The following ANKH variants were observed in gnomAD, a reference collection of about 807,000 sequenced individuals.
The protein encoded by ANKH is mineralization regulator ANKH.
In ANKH, 15 loss-of-function variants were observed where a neutral mutation model predicts 49.0. The ratio of observed to expected loss-of-function variants is 0.31; its 90% confidence interval spans 0.20 to 0.47. The LOEUF is 0.47. Ranked by LOEUF, ANKH falls within the 20% of genes least tolerant of loss-of-function variation. ANKH has a pLI of 1.00. For synonymous variants in ANKH, 273 were observed against 260.0 expected (o/e 1.05, Z -0.48); for missense variants, 429 against 652.0 (o/e 0.66, Z 3.72).
chr5:14,738,326 G>A (rs1439127985), intron 8 of ANKH, among the ~76,000 whole-genome samples: 1 of 152,198 alleles, frequency 6.6e-6, no homozygotes, highest in African/African-American at 2.4e-5. Context: ...TGTTCTGAGG[G>A]AAGGATGCAT....
intron 1 of ANKH, among the ~76,000 whole-genome samples, chr5:14,810,232 A>C (rs1025553005): frequency 1.3e-5 from 2 of 151,028 alleles, no homozygotes; most frequent in African/African-American, 4.9e-5. Flanking sequence ...ATCTTGGCTC[A>C]CTGCAACCTC....
At chr5:14,716,927 C>A in intron 8 of ANKH, 92 bp from the exon 9 acceptor site, 2 of 1,533,804 alleles carry the variant, frequency 1.3e-6, no homozygotes, top group South Asian at 2.3e-5. Flanking sequence ...TGGAGAGTTA[C>A]GAAAGAGGGA....
intron 1 of ANKH, among the ~76,000 whole-genome samples, chr5:14,825,725 T>C (rs1741319848): frequency 6.6e-6 from 1 of 152,148 alleles, no homozygotes; most frequent in Non-Finnish European, 1.5e-5. Context: ...AAGATGGCAA[T>C]GAGCTGACTC....
chr5:14,816,927 T>A (rs1235790056), intron 1 of ANKH, among the ~76,000 whole-genome samples: 1 of 152,208 alleles, frequency 6.6e-6, no homozygotes, highest in African/African-American at 2.4e-5. Flanking sequence ...GTTGCACAGA[T>A]CTCAGCCTTT....
intron 1 of ANKH, among the ~76,000 whole-genome samples, chr5:14,809,809 T>A (rs1324964318): frequency 6.6e-6 from 1 of 151,948 alleles, no homozygotes; most frequent in African/African-American, 2.4e-5. Flanking sequence ...AGTGGGGTGA[T>A]GACTCAATAG....
chr5:14,822,094 G>C (rs1741212541), intron 1 of ANKH, among the ~76,000 whole-genome samples: 1 of 152,148 alleles, frequency 6.6e-6, no homozygotes, highest in Admixed American at 6.5e-5. Context: ...AGCCATTGAT[G>C]GACCCTGCTG....
In ANKH at chr5:14,750,892, G is replaced by A. The variant is rs192258998; in HGVS notation, c.687+177C>T. On this transcript the variant is annotated intron_variant, in intron 5 of 11. Coordinates refer to ENST00000284268, the MANE Select transcript of ANKH (RefSeq NM_054027.6). ...TCTCAGATCACATCCATCTGTTAGA[G>A]TTCATTAATCCTCCAACTGTCTTTC... is the stretch of plus-strand genomic sequence containing the variant. Among the ~76,000 whole-genome samples, 8 of 152,322 alleles carry A rather than the reference G, an allele frequency of 5.3e-5. No individual in the cohort carries two copies. In the East Asian group the frequency reaches 1.5e-3, roughly 29 times the overall value.
chr5:14,714,060 C>T (rs1365013813), intron 9 of ANKH, among the ~76,000 whole-genome samples: 1 of 152,270 alleles, frequency 6.6e-6, no homozygotes, highest in African/African-American at 2.4e-5. Context: ...GCTGCGTGAG[C>T]AGAAAAGCTG....
chr5:14,776,867 G>A (rs1398866907), intron 1 of ANKH, among the ~76,000 whole-genome samples: 3 of 152,196 alleles, frequency 2.0e-5, no homozygotes, highest in African/African-American at 7.2e-5. Context: ...TCCAACAACT[G>A]TGAATATGAA....
intron 8 of ANKH, among the ~76,000 whole-genome samples, chr5:14,718,841 A>ACCC (rs1418886804): frequency 0.018 from 1,410 of 79,508 alleles, 12 homozygotes; most frequent in Non-Finnish European, 0.023. Flanking sequence ...CCCCCCCCCA[A>ACCC]AAAAAAAAGA....
At chr5:14,741,069 G>C (rs1286476195) in intron 8 of ANKH, among the ~76,000 whole-genome samples, 1 of 152,164 alleles carries the variant, frequency 6.6e-6, no homozygotes, top group African/African-American at 2.4e-5. Flanking sequence ...GTCTCCAACG[G>C]AAGGCTGTTT....
At chr5:14,844,299 C>T (rs1741896609) in intron 1 of ANKH, among the ~76,000 whole-genome samples, 1 of 152,186 alleles carries the variant, frequency 6.6e-6, no homozygotes, top group East Asian at 1.9e-4. Context: ...TCTAAAAGCA[C>T]AATTGTTTCA....
chr5:14,738,950 C>T (rs1738269572), intron 8 of ANKH, among the ~76,000 whole-genome samples: 1 of 152,094 alleles, frequency 6.6e-6, no homozygotes, highest in African/African-American at 2.4e-5. Flanking sequence ...TTACTGTGAC[C>T]TTTCTCAGTG....
chr5:14,746,929 T>G (rs79085522), intron 6 of ANKH, among the ~76,000 whole-genome samples: 4,618 of 152,294 alleles, frequency 0.03, 260 homozygotes, highest in African/African-American at 0.11. Context: ...GAAGCCAAGA[T>G]TTCAACCCAG....
At chr5:14,753,798 A>G (rs1738794875) in intron 4 of ANKH, among the ~76,000 whole-genome samples, 1 of 152,210 alleles carries the variant, frequency 6.6e-6, no homozygotes. Flanking sequence ...AAAATCTGAA[A>G]ACAAAACAAA....
intron 4 of ANKH, among the ~76,000 whole-genome samples, chr5:14,754,328 TAA>T (rs1297223918): frequency 1.4e-5 from 2 of 146,572 alleles, no homozygotes; most frequent in African/African-American, 5.3e-5. Flanking sequence ...TAGGCAAAGT[TAA>T]GAGTTTTTTT....
At chr5:14,803,827 G>C (rs1427269546) in intron 1 of ANKH, among the ~76,000 whole-genome samples, 1 of 152,158 alleles carries the variant, frequency 6.6e-6, no homozygotes, top group Admixed American at 6.5e-5. Flanking sequence ...TACTGGCAAG[G>C]AATGTGGGAA....
intron 1 of ANKH, among the ~76,000 whole-genome samples, chr5:14,784,289 G>A (rs1045259984): frequency 6.6e-6 from 1 of 152,160 alleles, no homozygotes; most frequent in African/African-American, 2.4e-5. Context: ...AAGATTCCAT[G>A]CCCTGCCCTA....
intron 1 of ANKH, among the ~76,000 whole-genome samples, chr5:14,856,358 C>CACGTTTGCAT (rs1306235341): frequency 1.3e-5 from 2 of 152,146 alleles, no homozygotes; most frequent in Non-Finnish European, 2.9e-5. Context: ...CTTTTCAAAG[C>CACGTTTGCAT]ACGTTTGCAT....
Sources: gnomAD v4.1 joint callset for allele counts (sites outside exome capture counted in the v4.1 genomes callset) on GRCh38, gnomAD v4.1.1 for gene constraint, MANE v1.5 for transcripts, NCBI Gene and HGNC (gene_info 2026-07-23, HGNC 2026-07-21) for gene names.